RYR3: variants seen among roughly 807,000 people sequenced by gnomAD.
The protein encoded by RYR3 is brain ryanodine receptor-calcium release channel.
Under a neutral mutation model 584.3 loss-of-function variants are expected in RYR3, and 207 were observed. That is an observed-to-expected ratio of 0.35 (90% CI 0.32 to 0.40). The LOEUF is 0.40. Among genes scored for constraint, RYR3 ranks in the 10% least tolerant of loss-of-function variants. The probability of loss-of-function intolerance (pLI) is 1.00; values close to 1 mark genes in which losing one functional copy is unlikely to be tolerated. For synonymous variants in RYR3, 2,416 were observed against 2,248.5 expected (o/e 1.07, Z -2.11); for missense variants, 5,616 against 6,089.2 (o/e 0.92, Z 2.59).
intron 3 of RYR3, among the ~76,000 whole-genome samples, chr15:33,515,034 A>G (rs887165157): frequency 6.6e-6 from 1 of 152,162 alleles, no homozygotes; most frequent in Non-Finnish European, 1.5e-5. Context: ...ATGTTAAACA[A>G]TTTTATAGTT....
intron 67 of RYR3, among the ~76,000 whole-genome samples, chr15:33,795,861 G>A (rs982277167): frequency 3.9e-5 from 6 of 151,974 alleles, no homozygotes; most frequent in African/African-American, 1.2e-4. Context: ...AAAGGCAATC[G>A]GCTTCTTAGC....
In RYR3 at chr15:33,673,274, G is replaced by A. The variant is rs567049393; in HGVS notation, c.5860+2718G>A. On this transcript the variant is annotated intron_variant, in intron 38 of 103. Transcript: ENST00000634891. ...GATAAGGTGGTGGTGGGCTCACCCC[G>A]CAGTCCCTCTGCTGTGAGCAGTTGA... Among the ~76,000 whole-genome samples the A allele has an allele frequency of 3.9e-5, 6 of 152,308 alleles. No homozygotes were observed. In the East Asian group the frequency reaches 9.6e-4, roughly 24 times the overall value.
intron 1 of RYR3, among the ~76,000 whole-genome samples, chr15:33,316,256 T>C (rs1253091874): frequency 6.6e-6 from 1 of 152,220 alleles, no homozygotes; most frequent in African/African-American, 2.4e-5. Context: ...TTTTACACCT[T>C]CATAGAAAGG....
At chr15:33,359,345 A>G (rs1235259168) in intron 1 of RYR3, among the ~76,000 whole-genome samples, 2 of 152,164 alleles carry the variant, frequency 1.3e-5, no homozygotes, top group Non-Finnish European at 2.9e-5. Flanking sequence ...TACAGTCTTT[A>G]AAGCCCCTGT....
At chr15:33,540,999 A>G in intron 7 of RYR3, 109 bp downstream of exon 7, 1 of 668,918 alleles carries the variant, frequency 1.5e-6, no homozygotes, top group East Asian at 2.7e-5. Flanking sequence ...CTTGGTACAC[A>G]GGTAGCCTGA....
rs757464740 is a variant in RYR3 at position 33,837,888 on chromosome 15, G to A, written c.11908G>A (p.Glu3970Lys). The A allele has an allele frequency of 1.2e-6, 2 of 1,614,006 alleles. No individual in the cohort carries two copies. The highest frequency in any genetic ancestry group is 1.1e-5 in the South Asian group (1 of 91,074). The change falls in exon 89 of 104, where the codon GAG (glutamate) becomes AAG (lysine). Residue 3970 changes from glutamate (E) to lysine (K), a missense_variant. By Grantham distance (56) the Glu-to-Lys change is moderately conservative. Around this residue, in one of 9 missense-constraint regions of RYR3, gnomAD observed 258 missense variants for 297.3 expected, o/e 0.87. Coordinates refer to ENST00000634891, the MANE Select transcript of RYR3 (RefSeq NM_001036.6). ...TCTCCTGTCGTGTGCAGAAGCTGAT[G>A]AGAATGACATGTTTAATTACGTTGA... Reference protein sequence around the residue: ...DFLLSCAEADENDMFNYVDFV... With the variant: ...DFLLSCAEADKNDMFNYVDFV...
At chr15:33,539,087 CAA>C (rs1237717699) in intron 5 of RYR3, 1 of 260,258 alleles carries the variant, frequency 3.8e-6, no homozygotes, top group African/African-American at 2.2e-5. Flanking sequence ...TAAAAATACT[CAA>C]AGGCCGCTAT....
At position 33,339,831 on chromosome 15, in the gene RYR3, G is replaced by A. The variant is rs185462642; in HGVS notation, c.51+28735G>A. On this transcript the variant is annotated intron_variant, in intron 1 of 103. Transcript: ENST00000634891. ...GTGAACCCGGGAGGCGGAGCTTGCA[G>A]TGAGCCGAGATAGCACCACTGCACT... is the stretch of plus-strand genomic sequence containing the variant. 4.7e-4 allele frequency among the ~76,000 whole-genome samples: 71 copies of A among 150,822 alleles called. 2 individuals are homozygous for A. The East Asian group carries it at 0.014, about 29-fold the overall frequency.
In RYR3 at chr15:33,860,801, ACCCTGCCATAC is replaced by A. The variant is rs1045498036; in HGVS notation, c.14364+151_14364+161del. 116 of 705,908 alleles carry A rather than the reference ACCCTGCCATAC, an allele frequency of 1.6e-4. 1 individual carries two copies. In the African/African-American group the frequency reaches 1.7e-3, roughly 11 times the overall value. 43.7% of individuals were successfully genotyped at this position (705,908 alleles called of 1,614,324 possible). Reference sequence around the variant, plus strand: ...TTGTTTTCCATGCCCTGTTCTCTGCACCCTGCCATACCCCTGCCAGGCCGGCCACTCTGCTG... The same window carrying A: ...TTGTTTTCCATGCCCTGTTCTCTGCACCCTGCCAGGCCGGCCACTCTGCTG... On this transcript the variant is annotated intron_variant, in intron 101 of 103. Coordinates refer to ENST00000634891, the MANE Select transcript of RYR3 (RefSeq NM_001036.6).
intron 41 of RYR3, among the ~76,000 whole-genome samples, 179 bp from the exon 42 acceptor site, chr15:33,700,798 G>A (rs749262608): frequency 2.6e-5 from 4 of 152,156 alleles, no homozygotes; most frequent in Non-Finnish European, 5.9e-5. Context: ...TGGGGAGGAA[G>A]GATAGCTAAT....
chr15:33,859,849 T>A (rs2080139781), intron 100 of RYR3, 118 bp downstream of exon 100: 2 of 1,127,226 alleles, frequency 1.8e-6, no homozygotes, highest in Non-Finnish European at 2.5e-6. Context: ...CTTGTTAATT[T>A]AGCAAGAACT....
chr15:33,561,772 C>T (rs1009489625), intron 10 of RYR3, among the ~76,000 whole-genome samples: 1 of 151,850 alleles, frequency 6.6e-6, no homozygotes, highest in East Asian at 1.9e-4. Flanking sequence ...CAGTGGCCTG[C>T]ACCTGGAGTC....
chr15:33,562,563 C>T (rs1381242173), intron 10 of RYR3, among the ~76,000 whole-genome samples: 1 of 39,316 alleles, frequency 2.5e-5, no homozygotes, highest in Non-Finnish European at 4.9e-5. Context: ...TACACAAAAT[C>T]AGAACAGAAG....
At position 33,370,380 on chromosome 15, in the gene RYR3, C is replaced by T. The variant is rs547672843; in HGVS notation, c.51+59284C>T. Among the ~76,000 whole-genome samples the T allele has an allele frequency of 9.2e-5, 14 of 152,290 alleles. No individual in the cohort carries two copies. In the South Asian group the frequency reaches 1.7e-3, roughly 18 times the overall value. Reference sequence around the variant, plus strand: ...AATCATCATGTCAGAAAATCAACAGCAGTCATTCCCTTGATACTTTTACTG... The same window carrying T: ...AATCATCATGTCAGAAAATCAACAGTAGTCATTCCCTTGATACTTTTACTG... On this transcript the variant is annotated intron_variant, in intron 1 of 103. Transcript: ENST00000634891.
intron 18 of RYR3, among the ~76,000 whole-genome samples, chr15:33,607,143 C>T (rs938108417): frequency 2.6e-5 from 4 of 152,170 alleles, no homozygotes; most frequent in Non-Finnish European, 5.9e-5. Context: ...GATCCCCTGT[C>T]ATTCCAAATG....
chr15:33,793,657 C>T (rs902812238), intron 67 of RYR3, among the ~76,000 whole-genome samples: 6 of 151,966 alleles, frequency 3.9e-5, no homozygotes, highest in African/African-American at 1.4e-4. Flanking sequence ...AAGTTTAAGG[C>T]CCTAAAATAC....
intron 51 of RYR3, among the ~76,000 whole-genome samples, chr15:33,741,676 C>G (rs1567069921): frequency 6.6e-6 from 1 of 151,990 alleles, no homozygotes; most frequent in Admixed American, 6.6e-5. Flanking sequence ...TGCAGTGGTG[C>G]CATCTCAACT....
intron 4 of RYR3, 100 bp from the exon 5 acceptor site, chr15:33,533,211 A>G (rs2055031044): frequency 1.3e-6 from 1 of 741,118 alleles, no homozygotes; most frequent in South Asian, 1.6e-5. Context: ...CTGTCTTCAC[A>G]GTAGCTCATT....
chr15:33,643,406 A>G (rs1315483423), intron 27 of RYR3, among the ~76,000 whole-genome samples: 1 of 152,140 alleles, frequency 6.6e-6, no homozygotes, highest in African/African-American at 2.4e-5. Flanking sequence ...AACACCAAAC[A>G]ATTTGAACTT....
Sources: gnomAD v4.1 joint callset for allele counts (sites outside exome capture counted in the v4.1 genomes callset) on GRCh38, gnomAD v4.1.1 for gene constraint, gnomAD v4.1.1 regional missense constraint, MANE v1.5 for transcripts, NCBI Gene and HGNC (gene_info 2026-07-23, HGNC 2026-07-21) for gene names.